The following CASP9 variants were observed in gnomAD, a reference collection of about 807,000 sequenced individuals.
CASP9 encodes the protein caspase-9.
CASP9 carries 29 observed loss-of-function variants against 43.5 expected under a neutral mutation model. That is an observed-to-expected ratio of 0.67 (90% CI 0.50 to 0.91). CASP9 has a LOEUF of 0.91. CASP9 is among the 40% of genes least tolerant of loss of function. CASP9 has a pLI of 0.00. For synonymous variants in CASP9, 206 were observed against 211.9 expected (o/e 0.97, Z 0.24); for missense variants, 575 against 537.4 (o/e 1.07, Z -0.69).
intron 6 of CASP9, among the ~76,000 whole-genome samples, chr1:15,503,828 A>G (rs1465771903): frequency 1.3e-5 from 2 of 152,190 alleles, no homozygotes; most frequent in African/African-American, 4.8e-5. Flanking sequence ...CCTAGGGCAG[A>G]GGGGACTCCC....
At position 15,491,681 on chromosome 1, in the gene CASP9, C is replaced by T; in HGVS notation, c.*1262G>A. 1 of 211,744 alleles carries T rather than the reference C, an allele frequency of 4.7e-6. No individual in the cohort carries two copies. Among genetic ancestry groups the T allele is most frequent in the Non-Finnish European group, 9.7e-6 (1 of 103,220 alleles). 13.1% of individuals were successfully genotyped at this position (211,744 alleles called of 1,614,324 possible). The stretch of plus-strand genomic sequence containing the variant: ...GCTGAGGTGGAAGGATCTCTTGAGC[C>T]CAGGAGGTCGAGACTGCAATAAGCC... On this transcript the variant is annotated 3_prime_UTR_variant, in exon 9 of 9. Transcript: ENST00000333868.
intron 1 of CASP9, among the ~76,000 whole-genome samples, chr1:15,521,200 G>A (rs369610540): frequency 6.6e-6 from 1 of 151,066 alleles, no homozygotes; most frequent in African/African-American, 2.4e-5. Context: ...AACCCGGAAG[G>A]TGGAGGTTGC....
At chr1:15,524,518 C>CAGATCGGAA, upstream of CASP9, 1 of 550,602 alleles carries the variant, frequency 1.8e-6, no homozygotes, top group Non-Finnish European at 2.5e-6. Flanking sequence ...CCCACGTCAC[C>CAGATCGGAA]GCCCCGCTCC....
upstream of CASP9, chr1:15,524,255 C>T (rs564814390): frequency 1.3e-6 from 2 of 1,521,182 alleles, no homozygotes; most frequent in South Asian, 1.2e-5. Flanking sequence ...GGGCCTCGGC[C>T]GCCCGCCCCA....
intron 6 of CASP9, among the ~76,000 whole-genome samples, chr1:15,496,186 T>C (rs372883793): frequency 3.2e-4 from 49 of 152,178 alleles, no homozygotes; most frequent in Middle Eastern, 3.4e-3. Flanking sequence ...TCTCAATTGA[T>C]GCAGAAAAAA....
At chr1:15,513,616 G>A (rs1017937762) in intron 2 of CASP9, among the ~76,000 whole-genome samples, 2 of 152,154 alleles carry the variant, frequency 1.3e-5, no homozygotes, top group Non-Finnish European at 2.9e-5. Flanking sequence ...CATGAACTGA[G>A]TACCTGCCCC....
At chr1:15,493,479 G>A in intron 8 of CASP9, 1 of 1,288,408 alleles carries the variant, frequency 7.8e-7, no homozygotes, top group Non-Finnish European at 9.8e-7. Flanking sequence ...GGCCTCCTGA[G>A]AAGGCGATGT....
In CASP9 at chr1:15,518,209, T is replaced by TA. The variant is rs1710031313; in HGVS notation, c.318dup (p.Thr107TyrfsTer32). The TA allele has an allele frequency of 6.2e-7, 1 of 1,613,962 alleles. No individual in the cohort carries two copies. Among genetic ancestry groups the TA allele is most frequent in the Non-Finnish European group, 8.5e-7 (1 of 1,180,020 alleles). On this transcript the variant is annotated frameshift_variant, in exon 2 of 9. Transcript: ENST00000333868. LOFTEE classifies it high-confidence loss of function. Reference sequence around the variant, plus strand: ...ATCTCTGGTCTGAGCACCACTGGGGTAAGGTTTTCTAGGGTTGGCTTCGAC... The same window carrying TA: ...ATCTCTGGTCTGAGCACCACTGGGGTAAAGGTTTTCTAGGGTTGGCTTCGAC...
chr1:15,501,706 T>C (rs929088228), intron 6 of CASP9, among the ~76,000 whole-genome samples: 2 of 152,246 alleles, frequency 1.3e-5, no homozygotes, highest in Non-Finnish European at 2.9e-5. Flanking sequence ...TGCTGTTTTC[T>C]GTGAGTTTTG....
At chr1:15,502,555 G>A (rs574109317) in intron 6 of CASP9, among the ~76,000 whole-genome samples, 8 of 152,122 alleles carry the variant, frequency 5.3e-5, no homozygotes, top group African/African-American at 1.7e-4. Context: ...AGGCTGGGCC[G>A]TGCTGGGGAC....
In CASP9 at chr1:15,506,055, G is replaced by C; in HGVS notation, c.655C>G (p.Leu219Val). 6.2e-7 allele frequency: 1 copy of C among 1,613,960 alleles called. No individual in the cohort carries two copies. Among genetic ancestry groups the C allele is most frequent in the Non-Finnish European group, 8.5e-7 (1 of 1,179,838 alleles). The change falls in exon 5 of 9, where the codon CTG (leucine) becomes GTG (valine). Residue 219 changes from leucine to valine, a missense_variant. Physicochemically the swap from Leu to Val is conservative, Grantham distance 32. Transcript: ENST00000333868. The stretch of plus-strand genomic sequence containing the variant: ...AGAGCACCGTGGTCCTGCTGCGCCA[G>C]CTCCAGCAAAGCCAGCACCATTTTC... ...AKKMVLALLE[L>V]AQQDHGALDC...
chr1:15,494,114 A>C, intron 7 of CASP9, 113 bp from the exon 8 acceptor site: 1 of 1,292,998 alleles, frequency 7.7e-7, no homozygotes, highest in Non-Finnish European at 1.1e-6. Context: ...TGACTCATAC[A>C]TACATCCAAC....
chr1:15,515,648 G>C (rs902269499), intron 2 of CASP9, among the ~76,000 whole-genome samples: 1 of 152,226 alleles, frequency 6.6e-6, no homozygotes, highest in East Asian at 1.9e-4. Flanking sequence ...GTGAATTTTT[G>C]TTGAAAGAAA....
rs780401892 is a variant in CASP9, at chr1:15,495,430, C to T, written c.891G>A (p.Glu297=). The change falls in exon 7 of 9, where the codon GAG becomes GAA. Residue 297 remains glutamate (E), a synonymous_variant. Coordinates refer to ENST00000333868, the MANE Select transcript of CASP9 (RefSeq NM_001229.5). ...CGGEQKDHGF[E]VASTSPEDES... ...CGTCTTCAGGGGAAGTGGAGGCCAC[C>T]TCAAACCCATGGTCTTTCTGCTCTG... is the stretch of plus-strand genomic sequence containing the variant. 118 of 1,600,508 alleles carry T rather than the reference C, an allele frequency of 7.4e-5. 1 individual carries two copies. Among genetic ancestry groups the T allele is most frequent in the Non-Finnish European group, 9.8e-5 (115 of 1,173,782 alleles).
intron 6 of CASP9, 37 bp downstream of exon 6, chr1:15,504,574 C>T: frequency 6.3e-7 from 1 of 1,587,712 alleles, no homozygotes; most frequent in Non-Finnish European, 8.6e-7. Context: ...TCCCTCCCCA[C>T]CAGACCCACC....
At chr1:15,502,118 C>G (rs2103340832) in intron 6 of CASP9, among the ~76,000 whole-genome samples, 1 of 152,280 alleles carries the variant, frequency 6.6e-6, no homozygotes, top group South Asian at 2.1e-4. Context: ...GGCTCTGTGC[C>G]AGGCTGGGGG....
rs991072194 is a variant in CASP9, at chr1:15,493,280, G to A, written c.1159-245C>T. On this transcript the variant is annotated intron_variant, in intron 8 of 8. Coordinates refer to ENST00000333868, the MANE Select transcript of CASP9 (RefSeq NM_001229.5). ...GAAATATTTGCAAGGAGCCAGGAGT[G>A]GCCCCAGCCTCGCAGCCCCTTCTCG... The A allele has an allele frequency of 6.6e-6, 9 of 1,362,234 alleles. No homozygotes were observed. The African/African-American group carries it at 8.9e-5, about 13-fold the overall frequency. The allele number at this position is 1,362,234 out of a possible 1,614,324, so 84.4% of individuals were successfully genotyped here.
At chr1:15,497,656 A>AT (rs58236802) in intron 6 of CASP9, among the ~76,000 whole-genome samples, 3,736 of 147,344 alleles carry the variant, frequency 0.025, 144 homozygotes, top group African/African-American at 0.093. Flanking sequence ...AAAAAAAAAA[A>AT]AAGATATAAA....
chr1:15,518,503 G>T, intron 1 of CASP9, 108 bp from the exon 2 acceptor site: 1 of 1,177,802 alleles, frequency 8.5e-7, no homozygotes, highest in Non-Finnish European at 1.2e-6. Context: ...CAGGCACGTG[G>T]GCAGCAATGG....
Sources: allele counts gnomAD v4.1 joint callset (sites outside exome capture counted in the v4.1 genomes callset), GRCh38; gene constraint gnomAD v4.1.1; transcripts MANE v1.5; gene names NCBI Gene and HGNC (gene_info 2026-07-23, HGNC 2026-07-21).